The following NRXN2 variants were observed in gnomAD, a reference collection of about 807,000 sequenced individuals.
NRXN2 encodes neurexin 2.
In NRXN2, 29 loss-of-function variants were observed where a neutral mutation model predicts 128.8. That is an observed-to-expected ratio of 0.23 (90% CI 0.17 to 0.31). NRXN2 has a LOEUF of 0.31. Ranked by LOEUF, NRXN2 falls within the 10% of genes least tolerant of loss-of-function variation. The pLI, the probability that NRXN2 is intolerant of heterozygous loss-of-function variation, is 1.00. For synonymous variants in NRXN2, 1,098 were observed against 1,075.2 expected (o/e 1.02, Z -0.41); for missense variants, 1,881 against 2,452.6 (o/e 0.77, Z 4.92).
At position 64,622,936 on chromosome 11, in the gene NRXN2, A is replaced by T. The variant is rs1176724593; in HGVS notation, c.3990T>A (p.Asn1330Lys). 1.9e-6 allele frequency: 3 copies of T among 1,613,278 alleles called. No homozygotes were observed. Among genetic ancestry groups the T allele is most frequent in the Non-Finnish European group, 2.5e-6 (3 of 1,179,786 alleles). The change falls in exon 21 of 23, where the codon AAT becomes AAA. Residue 1330 changes from asparagine (N) to lysine (K), a missense_variant. Asn to Lys is a moderately conservative substitution (Grantham distance 94). Coordinates refer to ENST00000265459, the MANE Select transcript of NRXN2 (RefSeq NM_015080.4). The surrounding 1 kb of genome is among the most constrained non-coding windows in gnomAD (Gnocchi z 4.3). ...VLALAAESDP[N>K]VRTEGHLRLV... ...GGCGCAGGTGACCCTCAGTCCGCAC[A>T]TTGGGGTCGCTCTCGGCGGCCAGCG...
chr11:64,669,090 C>T (rs979832909), intron 7 of NRXN2, among the ~76,000 whole-genome samples: 2 of 152,198 alleles, frequency 1.3e-5, no homozygotes, highest in Admixed American at 6.5e-5. Flanking sequence ...GTGGCTTAGA[C>T]TCACCTGCAG....
chr11:64,721,647 CTTCT>C (rs779931526), intron 1 of NRXN2, among the ~76,000 whole-genome samples: 1 of 152,120 alleles, frequency 6.6e-6, no homozygotes, highest in Non-Finnish European at 1.5e-5. Context: ...TTCCCTCTCC[CTTCT>C]TTCTTTCTCC....
At chr11:64,654,319 C>G (rs1298996725) in intron 11 of NRXN2, among the ~76,000 whole-genome samples, 1 of 152,204 alleles carries the variant, frequency 6.6e-6, no homozygotes, top group Non-Finnish European at 1.5e-5. Flanking sequence ...TCCACCCTTT[C>G]CAATCCTGGG....
Position 64,648,487 on chromosome 11 carries a change from C to T in NRXN2, c.3284-149G>A. On this transcript the variant is annotated intron_variant, in intron 16 of 22. Transcript: ENST00000265459. The surrounding 1 kb of genome is among the most constrained non-coding windows in gnomAD (Gnocchi z 4.1). ...CAAGTACTGATGACAGGGATTGGGG[C>T]AGGAGGGTCAGGTCTGCTAGGCTTG... 1 of 1,322,838 alleles carries T rather than the reference C, an allele frequency of 7.6e-7. No homozygotes were observed. The highest frequency in any genetic ancestry group is 1.9e-5 in the Admixed American group (1 of 51,480). 81.9% of individuals were successfully genotyped at this position (1,322,838 alleles called of 1,614,324 possible). A position where few individuals can be genotyped will look rare whatever the true frequency, so the allele number is the denominator to read the frequency against.
At chr11:64,711,242 G>T (rs1486574555) in intron 2 of NRXN2, among the ~76,000 whole-genome samples, 1 of 152,198 alleles carries the variant, frequency 6.6e-6, no homozygotes. Flanking sequence ...ACATGCACAC[G>T]CTCCCTCAAA....
At chr11:64,684,258 C>A (rs2135561035) in intron 6 of NRXN2, among the ~76,000 whole-genome samples, 1 of 152,228 alleles carries the variant, frequency 6.6e-6, no homozygotes, top group African/African-American at 2.4e-5. Context: ...CTCTATACCC[C>A]CCAATAAAAT....
chr11:64,608,007 A>G lies in NRXN2; in HGVS notation c.4328T>C (p.Val1443Ala), dbSNP rs1190509378. The change falls in exon 23 of 23, where the codon GTG becomes GCG. Residue 1443 changes from valine to alanine, a missense_variant. By Grantham distance (64) the Val-to-Ala change is moderately conservative. This residue lies in a region of NRXN2 where 310 missense variants were observed against 318.2 expected (regional missense o/e 0.97). Transcript: ENST00000265459. The stretch of plus-strand genomic sequence containing the variant: ...GGGGTAGAAGGTAGGGGGCGGGGGC[A>G]CGAAGGGGGATCGGGTGGCCACGGG... ...PPPVATRSPFVPPPPTFYPFL... is the reference protein window; with the variant it reads ...PPPVATRSPFAPPPPTFYPFL... The G allele has an allele frequency of 5.8e-6, 7 of 1,216,922 alleles. No homozygotes were observed. The highest frequency in any genetic ancestry group is 3.1e-5 in the African/African-American group (2 of 64,450). 75.4% of individuals were successfully genotyped at this position (1,216,922 alleles called of 1,614,324 possible).
chr11:64,681,074 GA>G lies in NRXN2; in HGVS notation c.1153-4038del, dbSNP rs2052182297. Among the ~76,000 whole-genome samples, 6 of 136,242 alleles carry G rather than the reference GA, an allele frequency of 4.4e-5. No homozygotes were observed. The South Asian group carries it at 1.4e-3, about 32-fold the overall frequency. 89.4% of individuals were successfully genotyped at this position (136,242 alleles called of 152,430 possible). Reference sequence around the variant, plus strand: ...ACTGCGCCACTGCACTCCAACCTGAGAGACAAAGTGAGACTCTATCTCCAAA... The same window carrying G: ...ACTGCGCCACTGCACTCCAACCTGAGGACAAAGTGAGACTCTATCTCCAAA... On this transcript the variant is annotated intron_variant, in intron 6 of 22. Coordinates refer to ENST00000265459, the MANE Select transcript of NRXN2 (RefSeq NM_015080.4).
Position 64,607,190 on chromosome 11 carries a change from G to A in NRXN2, c.*6C>T, listed in dbSNP as rs546036062. ...GCAGCTGGCAGTGGGGCGCAGTGCC[G>A]GGGGCTCAGACATAATACTCCTTGT... On this transcript the variant is annotated 3_prime_UTR_variant, in exon 23 of 23. Coordinates refer to ENST00000265459, the MANE Select transcript of NRXN2 (RefSeq NM_015080.4). The A allele has an allele frequency of 7.4e-6, 12 of 1,611,220 alleles. No individual in the cohort carries two copies. The East Asian group carries it at 1.3e-4, about 18-fold the overall frequency.
intron 12 of NRXN2, among the ~76,000 whole-genome samples, chr11:64,652,419 G>T (rs984811676): frequency 6.6e-6 from 1 of 152,120 alleles, no homozygotes; most frequent in Non-Finnish European, 1.5e-5. Flanking sequence ...TGCCCTTTGT[G>T]TGACTTTAGG....
Position 64,631,398 on chromosome 11 carries a change from C to G in NRXN2, c.3586-825G>C, listed in dbSNP as rs1399561578. On this transcript the variant is annotated intron_variant, in intron 18 of 22. Coordinates refer to ENST00000265459, the MANE Select transcript of NRXN2 (RefSeq NM_015080.4). The surrounding 1 kb of genome is among the most constrained non-coding windows in gnomAD (Gnocchi z 4.8). ...GCCTAAGCAATCTCTGGGACCCAGG[C>G]CCACGGGACACTCTGCAGAGGCAAC... 6.6e-6 allele frequency among the ~76,000 whole-genome samples: 1 copy of G among 152,072 alleles called. No individual in the cohort carries two copies. The highest frequency in any genetic ancestry group is 1.5e-5 in the Non-Finnish European group (1 of 67,992).
intron 2 of NRXN2, among the ~76,000 whole-genome samples, chr11:64,702,971 T>TAAAAAAAA (rs557268486): frequency 1.4e-3 from 71 of 50,488 alleles, no homozygotes; most frequent in East Asian, 4.1e-3. Context: ...CCCAGGTCTC[T>TAAAAAAAA]AAAAAAAAAA....
At position 64,685,789 on chromosome 11, in the gene NRXN2, C is replaced by T. The variant is rs373909004; in HGVS notation, c.1009G>A (p.Val337Ile). The change falls in exon 6 of 23, where the codon GTC (valine) becomes ATC (isoleucine). Residue 337 changes from valine (V) to isoleucine (I), a missense_variant. Physicochemically the swap from Val to Ile is conservative, Grantham distance 29. Around this residue, in one of 7 missense-constraint regions of NRXN2, gnomAD observed 997 missense variants for 1,240.8 expected, o/e 0.80. Transcript: ENST00000265459. Reference sequence around the variant, plus strand: ...GCCCCAGACTTGAGGGACAGGTTGACGTAGTCGGCCGACTTGCCTGTATGC... The same window carrying T: ...GCCCCAGACTTGAGGGACAGGTTGATGTAGTCGGCCGACTTGCCTGTATGC... ...MLHTGKSADY[V>I]NLSLKSGAVW... 3.7e-6 allele frequency: 6 copies of T among 1,614,196 alleles called. No individual in the cohort carries two copies. The highest frequency in any genetic ancestry group is 1.7e-5 in the Admixed American group (1 of 60,036).
chr11:64,640,905 G>T lies in NRXN2; in HGVS notation c.3404-5453C>A, dbSNP rs150328365. Among the ~76,000 whole-genome samples, 42 of 152,194 alleles carry T rather than the reference G, an allele frequency of 2.8e-4. No individual in the cohort carries two copies. In the Middle Eastern group the frequency reaches 0.014, roughly 49 times the overall value. On this transcript the variant is annotated intron_variant, in intron 17 of 22. Transcript: ENST00000265459. ...GGAGCAAGAATGGGGAGGCACCCAGGGGCACAGATGGGAAGGGTGAAAATA... is the reference window on the plus strand; with the variant it reads ...GGAGCAAGAATGGGGAGGCACCCAGTGGCACAGATGGGAAGGGTGAAAATA...
chr11:64,677,111 C>G, intron 6 of NRXN2, 74 bp from the exon 7 acceptor site: 1 of 1,050,554 alleles, frequency 9.5e-7, no homozygotes, highest in Non-Finnish European at 1.4e-6. Context: ...AACAAAAGAA[C>G]AGAATGAAAA....
At position 64,622,603 on chromosome 11, in the gene NRXN2, G is replaced by T; in HGVS notation, c.4173+150C>A. The stretch of plus-strand genomic sequence containing the variant: ...TTCCTGAAAGGTGACCTTGCCCATC[G>T]CCATGGCAACAAAGTCAGCGACAGC... On this transcript the variant is annotated intron_variant, in intron 21 of 22. Coordinates refer to ENST00000265459, the MANE Select transcript of NRXN2 (RefSeq NM_015080.4). This position sits in a 1 kb window ranked among gnomAD's most constrained non-coding sequence, Gnocchi z 4.3. The T allele has an allele frequency of 8.6e-7, 1 of 1,167,174 alleles. No individual in the cohort carries two copies. The allele number at this position is 1,167,174 out of a possible 1,614,324, so 72.3% of individuals were successfully genotyped here.
intron 7 of NRXN2, among the ~76,000 whole-genome samples, chr11:64,674,043 A>G (rs1410265691): frequency 6.6e-6 from 1 of 151,542 alleles, no homozygotes; most frequent in East Asian, 1.9e-4. Context: ...GTCTCCAAAA[A>G]AAAAAAAAAA....
At chr11:64,634,778 G>T (rs774542136) in intron 18 of NRXN2, among the ~76,000 whole-genome samples, 3 of 152,178 alleles carry the variant, frequency 2.0e-5, no homozygotes, top group Non-Finnish European at 2.9e-5. Flanking sequence ...AGAGGCAGGG[G>T]CAGAATCCAG....
chr11:64,641,704 A>G (rs1447178064), intron 17 of NRXN2, among the ~76,000 whole-genome samples: 1 of 152,010 alleles, frequency 6.6e-6, no homozygotes, highest in African/African-American at 2.4e-5. Context: ...AAGTTTTTCC[A>G]TAGATGGTTA....
Sources: gnomAD v4.1 joint callset for allele counts (sites outside exome capture counted in the v4.1 genomes callset) on GRCh38, gnomAD v4.1.1 for gene constraint, gnomAD v4.1.1 regional missense constraint, Gnocchi (gnomAD v3.1) non-coding constraint, MANE v1.5 for transcripts, NCBI Gene and HGNC (gene_info 2026-07-23, HGNC 2026-07-21) for gene names.